The following CNBD1 variants were observed in gnomAD, a reference collection of about 807,000 sequenced individuals.
CNBD1 encodes the protein cyclic nucleotide binding domain containing 1, also known as cyclic nucleotide-binding domain-containing protein 1.
In CNBD1, 71 loss-of-function variants were observed where a neutral mutation model predicts 54.4. The ratio of observed to expected loss-of-function variants is 1.30; its 90% CI spans 1.08 to 1.59. CNBD1 has a LOEUF of 1.59. Among genes scored for constraint, CNBD1 ranks in the 40% most tolerant of loss-of-function variants. CNBD1 has a pLI of 0.00. For missense variants in CNBD1, 659 were observed against 518.0 expected (o/e 1.27, Z -2.64); for synonymous variants, 182 against 170.7 (o/e 1.07, Z -0.51).
intron 4 of CNBD1, among the ~76,000 whole-genome samples, chr8:87,063,040 T>G (rs1563454454): frequency 6.6e-6 from 1 of 152,066 alleles, no homozygotes; most frequent in Non-Finnish European, 1.5e-5. Context: ...AGTATTCACT[T>G]TTGGTTGTGT....
At chr8:87,393,087 T>A (rs1811341271) in intron 2 of CNBD1, among the ~76,000 whole-genome samples, 2 of 151,934 alleles carry the variant, frequency 1.3e-5, no homozygotes, top group Admixed American at 1.3e-4. Context: ...AGGATGTCAT[T>A]TACTGGAATC....
rs370475981 is a variant in CNBD1 at position 87,306,689 on chromosome 8, C to G, written c.1042+20018C>G. On this transcript the variant is annotated intron_variant, in intron 8 of 10. Coordinates refer to ENST00000518476, the MANE Select transcript of CNBD1 (RefSeq NM_173538.3). ...GAAAACCAAACATCATATGTTCTCA[C>G]CGATATGTCGGAACTAAGCTATGAG... is the stretch of plus-strand genomic sequence containing the variant. Among the ~76,000 whole-genome samples, 11 of 151,912 alleles carry G rather than the reference C, an allele frequency of 7.2e-5. No individual in the cohort carries two copies. The South Asian group carries it at 2.3e-3, about 31-fold the overall frequency.
At chr8:86,874,988 A>ATT (rs1284655201) in intron 1 of CNBD1, among the ~76,000 whole-genome samples, 2 of 13,674 alleles carry the variant, frequency 1.5e-4, no homozygotes, top group African/African-American at 4.0e-4. Context: ...AAATCAATTT[A>ATT]TATATATATA....
chr8:86,870,189 C>CTTTTTTTTTTTTTTTTTTTTTTTTTT (rs71275890), intron 1 of CNBD1, among the ~76,000 whole-genome samples: 1 of 100,624 alleles, frequency 9.9e-6, no homozygotes, highest in African/African-American at 4.0e-5. Context: ...AGATAGTACT[C>CTTTTTTTTTTTTTTTTTTTTTTTTTT]TTTTTTTTTT....
chr8:87,272,133 C>A (rs1429364177), intron 6 of CNBD1, among the ~76,000 whole-genome samples: 1 of 151,644 alleles, frequency 6.6e-6, no homozygotes, highest in African/African-American at 2.4e-5. Context: ...TTAATGGGTA[C>A]AAATACACAC....
chr8:87,088,637 G>T (rs951275739), intron 4 of CNBD1, among the ~76,000 whole-genome samples: 21 of 152,074 alleles, frequency 1.4e-4, no homozygotes, highest in African/African-American at 5.1e-4. Context: ...TTATTAGGAA[G>T]AATCTAAATT....
chr8:87,102,108 C>T (rs75592797), intron 4 of CNBD1, among the ~76,000 whole-genome samples: 3 of 151,966 alleles, frequency 2.0e-5, no homozygotes, highest in Non-Finnish European at 4.4e-5. Context: ...AGGATGGTCT[C>T]GATCTCCTGA....
At chr8:87,056,114 G>A (rs1243144345) in intron 4 of CNBD1, among the ~76,000 whole-genome samples, 1 of 152,086 alleles carries the variant, frequency 6.6e-6, no homozygotes, top group African/African-American at 2.4e-5. Context: ...TAGATACAGA[G>A]AGATCTAACA....
intron 4 of CNBD1, among the ~76,000 whole-genome samples, chr8:86,961,934 A>C (rs1277126876): frequency 1.3e-5 from 2 of 151,440 alleles, no homozygotes; most frequent in African/African-American, 4.9e-5. Context: ...TTCATGTGCC[A>C]ATCTCCTATT....
At chr8:87,399,573 C>T (rs1271478409) in intron 2 of CNBD1, among the ~76,000 whole-genome samples, 1 of 151,856 alleles carries the variant, frequency 6.6e-6, no homozygotes, top group Admixed American at 6.6e-5. Flanking sequence ...ATATAAAGCC[C>T]CTAATGCCAA....
chr8:86,928,340 A>G lies in CNBD1; in HGVS notation c.273-11256A>G, dbSNP rs188334957. Among the ~76,000 whole-genome samples the G allele has an allele frequency of 6.4e-3, 969 of 152,328 alleles. 9 individuals carry two copies. Among genetic ancestry groups the G allele is most frequent in the Middle Eastern group, 0.027 (8 of 294 alleles). ...AAGGCCATGGGCAAGAGAATAGGACATGGGAGATGAGTTTCTTGTGTTAGT... is the reference window on the plus strand; with the variant it reads ...AAGGCCATGGGCAAGAGAATAGGACGTGGGAGATGAGTTTCTTGTGTTAGT... On this transcript the variant is annotated intron_variant, in intron 3 of 10. Transcript: ENST00000518476.
At position 86,987,744 on chromosome 8, in the gene CNBD1, G is replaced by T. The variant is rs116626814; in HGVS notation, c.431+47990G>T. 2.6e-5 allele frequency among the ~76,000 whole-genome samples: 4 copies of T among 152,152 alleles called. No homozygotes were observed. In the South Asian group the frequency reaches 8.3e-4, roughly 32 times the overall value. On this transcript the variant is annotated intron_variant, in intron 4 of 10. Transcript: ENST00000518476. ...TGGATTTTATCCAAAGCTTTTCTGT[G>T]TCTATTGAGAATAATTTTTTCTTTT...
At chr8:87,051,246 G>T (rs890130435) in intron 4 of CNBD1, among the ~76,000 whole-genome samples, 2 of 152,154 alleles carry the variant, frequency 1.3e-5, no homozygotes, top group African/African-American at 4.8e-5. Context: ...GGAATGCCTG[G>T]ATTGGAGAGG....
chr8:87,353,325 G>T (rs1213968769), intron 9 of CNBD1, among the ~76,000 whole-genome samples: 5 of 152,126 alleles, frequency 3.3e-5, no homozygotes, highest in Non-Finnish European at 7.4e-5. Context: ...ATGAAACTAT[G>T]CTCACAAAAT....
chr8:87,182,905 A>G lies in CNBD1; in HGVS notation c.432-23088A>G, dbSNP rs1419807252. Among the ~76,000 whole-genome samples, 1 of 152,096 alleles carries G rather than the reference A, an allele frequency of 6.6e-6. No individual in the cohort carries two copies. The highest frequency in any genetic ancestry group is 1.5e-5 in the Non-Finnish European group (1 of 68,008). The stretch of plus-strand genomic sequence containing the variant: ...GTCCTGTGCAGAACCTCTTTGGTTT[A>G]ATTAGGTTACACTTATGTATTTTTG... On this transcript the variant is annotated intron_variant, in intron 4 of 10. Transcript: ENST00000518476. This position sits in a 1 kb window ranked among gnomAD's most constrained non-coding sequence, Gnocchi z 4.1.
intron 8 of CNBD1, among the ~76,000 whole-genome samples, chr8:87,349,765 T>G (rs2130926544): frequency 6.6e-6 from 1 of 152,366 alleles, no homozygotes; most frequent in East Asian, 1.9e-4. Context: ...GATGAATATT[T>G]GCTATGGTTA....
At chr8:87,386,001 A>T (rs186677205), downstream of CNBD1, among the ~76,000 whole-genome samples, 588 of 152,252 alleles carry the variant, frequency 3.9e-3, 8 homozygotes, top group African/African-American at 0.013. Flanking sequence ...ATACCCAGGC[A>T]AACATAGTCT....
chr8:87,426,826 G>T (rs576267391), intron 2 of CNBD1, among the ~76,000 whole-genome samples: 1 of 152,276 alleles, frequency 6.6e-6, no homozygotes, highest in South Asian at 2.1e-4. Flanking sequence ...CCCATTGACA[G>T]ACCCAAAAGG....
chr8:87,190,887 G>A (rs6998553), intron 4 of CNBD1, among the ~76,000 whole-genome samples: 7 of 124,952 alleles, frequency 5.6e-5, no homozygotes, highest in African/African-American at 1.6e-4. Flanking sequence ...ATACATGTAC[G>A]TATATCTATT....
Sources: gnomAD v4.1 joint callset for allele counts (sites outside exome capture counted in the v4.1 genomes callset) on GRCh38, gnomAD v4.1.1 for gene constraint, Gnocchi (gnomAD v3.1) non-coding constraint, MANE v1.5 for transcripts, NCBI Gene and HGNC (gene_info 2026-07-23, HGNC 2026-07-21) for gene names.